BCAS3: variants seen among roughly 807,000 people sequenced by gnomAD.
BCAS3 encodes BCAS3 microtubule associated cell migration factor.
Under a neutral mutation model 116.1 loss-of-function variants are expected in BCAS3, and 53 were observed. That is an observed-to-expected ratio of 0.46 (90% CI 0.37 to 0.57). BCAS3 has a LOEUF of 0.57. Among genes scored for constraint, BCAS3 ranks in the 20% least tolerant of loss-of-function variants. BCAS3 has a pLI of 0.00. For synonymous variants in BCAS3, 391 were observed against 408.2 expected (o/e 0.96, Z 0.51); for missense variants, 917 against 1,165.4 (o/e 0.79, Z 3.10).
chr17:60,687,535 C>T (rs1024929869), intron 3 of BCAS3, among the ~76,000 whole-genome samples: 14 of 152,056 alleles, frequency 9.2e-5, no homozygotes, highest in African/African-American at 2.7e-4. Context: ...GCCCAGGAGG[C>T]GGAGGTTGCA....
At position 60,693,483 on chromosome 17, in the gene BCAS3, T is replaced by C. The variant is rs1016168361; in HGVS notation, c.214+3722T>C. Among the ~76,000 whole-genome samples the C allele has an allele frequency of 2.6e-5, 4 of 151,326 alleles. No individual in the cohort carries two copies. In the South Asian group the frequency reaches 8.3e-4, roughly 31 times the overall value. The stretch of plus-strand genomic sequence containing the variant: ...GAGTGCAGTGGCCTGAACTTGAACT[T>C]GGCTCACTGCAGCCCCGACCTTCTG... On this transcript the variant is annotated intron_variant, in intron 4 of 23. Transcript: ENST00000407086.
At chr17:60,874,458 A>G (rs574775401) in intron 8 of BCAS3, among the ~76,000 whole-genome samples, 7 of 152,194 alleles carry the variant, frequency 4.6e-5, no homozygotes, top group African/African-American at 1.7e-4. Flanking sequence ...TATCTTATTT[A>G]TATATAGGAT....
intron 7 of BCAS3, among the ~76,000 whole-genome samples, chr17:60,835,652 T>C (rs950879114): frequency 6.6e-6 from 1 of 152,086 alleles, no homozygotes; most frequent in Non-Finnish European, 1.5e-5. Context: ...CCATGGTTGC[T>C]GCAATAAAAG....
intron 6 of BCAS3, among the ~76,000 whole-genome samples, chr17:60,754,056 C>G (rs1296230942): frequency 1.6e-5 from 1 of 60,954 alleles, no homozygotes; most frequent in East Asian, 2.9e-3. Context: ...TATTTTGAGA[C>G]AGGGTCTCTC....
At chr17:61,342,207 T>TCTC (rs2057212355) in intron 22 of BCAS3, among the ~76,000 whole-genome samples, 2 of 152,158 alleles carry the variant, frequency 1.3e-5, no homozygotes. Flanking sequence ...TTTCACTAAA[T>TCTC]CTCCATTCAG....
At chr17:61,254,180 G>GT (rs1184794989) in intron 22 of BCAS3, among the ~76,000 whole-genome samples, 1 of 151,972 alleles carries the variant, frequency 6.6e-6, no homozygotes, top group African/African-American at 2.4e-5. Flanking sequence ...TTAAGTGGAT[G>GT]TTTGTTTTTT....
chr17:60,989,412 T>C (rs8079460), intron 14 of BCAS3, among the ~76,000 whole-genome samples: 10,628 of 152,148 alleles, frequency 0.07, 1,113 homozygotes, highest in African/African-American at 0.23. Context: ...GTATGATAAG[T>C]GTCATACAAA....
intron 22 of BCAS3, among the ~76,000 whole-genome samples, chr17:61,321,900 G>A (rs980961707): frequency 6.6e-6 from 1 of 151,962 alleles, no homozygotes; most frequent in Non-Finnish European, 1.5e-5. Context: ...AGTAAATTGT[G>A]GATACTAACA....
chr17:60,775,749 A>G (rs547785062), intron 6 of BCAS3, among the ~76,000 whole-genome samples: 2 of 152,348 alleles, frequency 1.3e-5, no homozygotes, highest in African/African-American at 2.4e-5. Context: ...CGCACAAATT[A>G]TAGGATACTG....
intron 22 of BCAS3, among the ~76,000 whole-genome samples, chr17:61,101,419 C>G (rs1293870626): frequency 6.6e-6 from 1 of 152,142 alleles, no homozygotes; most frequent in Non-Finnish European, 1.5e-5. Flanking sequence ...GTGTTTGAAA[C>G]TCACAATTCA....
intron 9 of BCAS3, among the ~76,000 whole-genome samples, chr17:60,880,334 G>A (rs974595067): frequency 6.6e-6 from 1 of 152,084 alleles, no homozygotes; most frequent in Non-Finnish European, 1.5e-5. Context: ...CTGTCGCCAG[G>A]CTGGAGTGCT....
At chr17:60,863,029 G>A (rs1448644065) in intron 7 of BCAS3, among the ~76,000 whole-genome samples, 4 of 152,086 alleles carry the variant, frequency 2.6e-5, no homozygotes. Flanking sequence ...TTCTCCTGTA[G>A]TTTGTCCTTG....
In BCAS3 at chr17:61,244,830, C is replaced by T. The variant is rs556574471; in HGVS notation, c.2426-123497C>T. Among the ~76,000 whole-genome samples, 21 of 151,896 alleles carry T rather than the reference C, an allele frequency of 1.4e-4. No individual in the cohort carries two copies. In the East Asian group the frequency reaches 3.7e-3, roughly 27 times the overall value. ...GTGAGCCGAGATCGCGCCACTGTAC[C>T]CCAGCCTGAGCAACAGAGTGAGACT... is the stretch of plus-strand genomic sequence containing the variant. On this transcript the variant is annotated intron_variant, in intron 22 of 23. Transcript: ENST00000407086. This position sits in a 1 kb window ranked among gnomAD's most constrained non-coding sequence, Gnocchi z 4.9.
At chr17:61,172,375 C>G (rs1323546849) in intron 22 of BCAS3, among the ~76,000 whole-genome samples, 1 of 152,222 alleles carries the variant, frequency 6.6e-6, no homozygotes, top group Non-Finnish European at 1.5e-5. Flanking sequence ...GTGGCTTACG[C>G]CTAATCCCAG....
chr17:60,986,605 G>A (rs1488662593), intron 14 of BCAS3, among the ~76,000 whole-genome samples: 1 of 152,106 alleles, frequency 6.6e-6, no homozygotes, highest in Non-Finnish European at 1.5e-5. Context: ...TTGATGTTGA[G>A]CACATTTTTG....
At chr17:61,288,918 G>A (rs866813347) in intron 22 of BCAS3, among the ~76,000 whole-genome samples, 32 of 152,142 alleles carry the variant, frequency 2.1e-4, no homozygotes, top group African/African-American at 7.0e-4. Flanking sequence ...GACAGGGGTG[G>A]AGCATGAAAA....
rs1329738281 is a variant in BCAS3, at chr17:61,128,777, A to T, written c.2425+44213A>T. ...GTAGAATTTTTTCCCCCAGGAAAAA[A>T]AAATCGGCAACTTTTGGTCTGTCAC... On this transcript the variant is annotated intron_variant, in intron 22 of 23. Coordinates refer to ENST00000407086, the MANE Select transcript of BCAS3 (RefSeq NM_017679.5). The surrounding 1 kb of genome is among the most constrained non-coding windows in gnomAD (Gnocchi z 4.1). Among the ~76,000 whole-genome samples the T allele has an allele frequency of 1.3e-5, 2 of 152,170 alleles. No homozygotes were observed. The highest frequency in any genetic ancestry group is 2.9e-5 in the Non-Finnish European group (2 of 68,042).
rs199593967 is a variant in BCAS3 at position 61,373,806 on chromosome 17, TTG to T, written c.2593+5314_2593+5315del. On this transcript the variant is annotated intron_variant, in intron 23 of 23. Coordinates refer to ENST00000407086, the MANE Select transcript of BCAS3 (RefSeq NM_017679.5). ...GCTGCTGTTAACTTCTTCTTCTTCT[TTG>T]TTTTTTTTTTTTTTTTTTTTGCTCT... is the stretch of plus-strand genomic sequence containing the variant. 5.0e-4 allele frequency among the ~76,000 whole-genome samples: 60 copies of T among 121,112 alleles called. 8 individuals are homozygous for T. Among genetic ancestry groups the T allele is most frequent in the African/African-American group, 1.2e-3 (34 of 28,924 alleles). 79.5% of individuals were successfully genotyped at this position (121,112 alleles called of 152,430 possible). A position where few individuals can be genotyped will look rare whatever the true frequency, so the allele number is the denominator to read the frequency against.
In BCAS3 at chr17:61,388,753, C is replaced by T. The variant is rs1387236799; in HGVS notation, c.2594-3224C>T. ...TTTGCCGCTTGCTCGTAGGGCTGGG[C>T]GGCCGGGATGACTTGGAGGGGGGAA... is the stretch of plus-strand genomic sequence containing the variant. On this transcript the variant is annotated intron_variant, in intron 23 of 23. Transcript: ENST00000407086. The surrounding 1 kb of genome is among the most constrained non-coding windows in gnomAD (Gnocchi z 6.5). The T allele has an allele frequency of 1.6e-5, 24 of 1,512,812 alleles. No individual in the cohort carries two copies. The highest frequency in any genetic ancestry group is 7.4e-5 in the East Asian group (3 of 40,764). 93.7% of individuals were successfully genotyped at this position (1,512,812 alleles called of 1,614,324 possible). A position where few individuals can be genotyped will look rare whatever the true frequency, so the allele number is the denominator to read the frequency against.
Sources: allele counts gnomAD v4.1 joint callset (sites outside exome capture counted in the v4.1 genomes callset), GRCh38; gene constraint gnomAD v4.1.1; non-coding constraint Gnocchi (gnomAD v3.1); transcripts MANE v1.5; gene names NCBI Gene and HGNC (gene_info 2026-07-23, HGNC 2026-07-21).